The following ATP9A variants were observed in gnomAD, a reference collection of about 807,000 sequenced individuals.
The protein encoded by ATP9A is probable phospholipid-transporting ATPase IIA.
A neutral mutation model predicts 144.1 loss-of-function variants in ATP9A; 52 were observed. The ratio of observed to expected loss-of-function variants is 0.36; its 90% CI spans 0.29 to 0.45. ATP9A has a LOEUF of 0.45. ATP9A is among the 20% of genes least tolerant of loss of function. The pLI is 1.00. For synonymous variants in ATP9A, 582 were observed against 557.4 expected (o/e 1.04, Z -0.62); for missense variants, 947 against 1,392.7 (o/e 0.68, Z 5.09).
chr20:51,738,007 A>G (rs995671446), intron 1 of ATP9A, among the ~76,000 whole-genome samples: 8 of 151,766 alleles, frequency 5.3e-5, no homozygotes, highest in Admixed American at 1.3e-4. Context: ...TGGGCAACAT[A>G]GCAAGACTCA....
chr20:51,743,430 C>T, intron 1 of ATP9A, among the ~76,000 whole-genome samples: 1 of 105,996 alleles, frequency 9.4e-6, no homozygotes, highest in Non-Finnish European at 1.8e-5. Context: ...GACGGAGTCT[C>T]ACTCTGTCAC....
chr20:51,636,984 G>A (rs533521914), intron 15 of ATP9A, among the ~76,000 whole-genome samples: 3 of 152,294 alleles, frequency 2.0e-5, no homozygotes, highest in East Asian at 1.9e-4. Context: ...CCAGCTACTC[G>A]GGAGGCCGAG....
intron 25 of ATP9A, 69 bp downstream of exon 25, chr20:51,608,449 G>C (rs1265500482): frequency 5.1e-6 from 5 of 988,626 alleles, no homozygotes; most frequent in South Asian, 1.3e-5. Flanking sequence ...AAAAAAAGCA[G>C]GGAGGGAGGG....
intron 27 of ATP9A, among the ~76,000 whole-genome samples, chr20:51,602,462 GACC>G (rs1338790111): frequency 1.3e-5 from 2 of 152,166 alleles, no homozygotes; most frequent in East Asian, 1.9e-4. Context: ...ACATCTCTGT[GACC>G]ACCTCAGGCC....
chr20:51,604,723 C>T lies in ATP9A; in HGVS notation c.3007+94G>A, dbSNP rs183728641. The T allele has an allele frequency of 2.3e-4, 275 of 1,188,300 alleles. No individual in the cohort carries two copies. The African/African-American group carries it at 2.4e-3, about 10-fold the overall frequency. 73.6% of individuals were successfully genotyped at this position (1,188,300 alleles called of 1,614,324 possible). On this transcript the variant is annotated intron_variant, in intron 27 of 27. Coordinates refer to ENST00000338821, the MANE Select transcript of ATP9A (RefSeq NM_006045.3). ...TGCTGGAGGAAGAGCCCAGGCCGAG[C>T]GCTGGGAACCCCCCTTCCTTCATAC...
At chr20:51,616,750 A>G (rs572015676) in intron 22 of ATP9A, among the ~76,000 whole-genome samples, 1 of 152,278 alleles carries the variant, frequency 6.6e-6, no homozygotes, top group South Asian at 2.1e-4. Context: ...CAGAAAAAAT[A>G]TTTCCTAACA....
At chr20:51,684,946 G>A (rs2077516196) in intron 9 of ATP9A, among the ~76,000 whole-genome samples, 1 of 151,134 alleles carries the variant, frequency 6.6e-6, no homozygotes, top group Non-Finnish European at 1.5e-5. Context: ...AGGAGGCGGA[G>A]CTTGCAGTGA....
intron 1 of ATP9A, among the ~76,000 whole-genome samples, chr20:51,763,805 C>T (rs182269275): frequency 7.1e-4 from 108 of 152,252 alleles, no homozygotes; most frequent in Middle Eastern, 6.8e-3. Flanking sequence ...ACCCACAAAA[C>T]GTAGATTGTT....
At chr20:51,761,978 C>T (rs897552863) in intron 1 of ATP9A, among the ~76,000 whole-genome samples, 2 of 152,084 alleles carry the variant, frequency 1.3e-5, no homozygotes, top group East Asian at 3.9e-4. Context: ...CCCCTTCTTC[C>T]CTCTTCAAGC....
At chr20:51,671,005 C>G in intron 12 of ATP9A, 110 bp downstream of exon 12, 1 of 1,191,594 alleles carries the variant, frequency 8.4e-7, no homozygotes, top group Non-Finnish European at 1.2e-6. Context: ...AATAAAATAG[C>G]AGCAACACGC....
chr20:51,702,367 T>C (rs1601114664), intron 4 of ATP9A, among the ~76,000 whole-genome samples: 1 of 85,712 alleles, frequency 1.2e-5, no homozygotes. Context: ...TGTGTGTTCG[T>C]GTGTGTGTGT....
At chr20:51,717,141 C>T (rs2077665503) in intron 3 of ATP9A, among the ~76,000 whole-genome samples, 1 of 147,084 alleles carries the variant, frequency 6.8e-6, no homozygotes, top group African/African-American at 2.5e-5. Flanking sequence ...CACTGCACTC[C>T]AGCCTGGGTG....
At chr20:51,743,624 T>C (rs2077794734) in intron 1 of ATP9A, among the ~76,000 whole-genome samples, 1 of 149,294 alleles carries the variant, frequency 6.7e-6, no homozygotes, top group Non-Finnish European at 1.5e-5. Flanking sequence ...GGTCTGGTCT[T>C]GAACTACTGA....
Position 51,743,900 on chromosome 20 carries a change from A to G in ATP9A, c.69-13922T>C, listed in dbSNP as rs898248145. ...CAAACACCTGTAGTCCCAGCTACTC[A>G]GGAAGCTGAAACAGGAGAATCGCTT... On this transcript the variant is annotated intron_variant, in intron 1 of 27. Coordinates refer to ENST00000338821, the MANE Select transcript of ATP9A (RefSeq NM_006045.3). 3.3e-5 allele frequency among the ~76,000 whole-genome samples: 5 copies of G among 151,324 alleles called. No individual in the cohort carries two copies. In the South Asian group the frequency reaches 8.4e-4, roughly 25 times the overall value.
At chr20:51,708,156 TC>T (rs1196229626) in intron 4 of ATP9A, among the ~76,000 whole-genome samples, 1 of 152,124 alleles carries the variant, frequency 6.6e-6, no homozygotes, top group African/African-American at 2.4e-5. Flanking sequence ...TTGATGTTGT[TC>T]GAGATACACC....
At chr20:51,761,778 G>C (rs2122921695) in intron 1 of ATP9A, among the ~76,000 whole-genome samples, 1 of 151,790 alleles carries the variant, frequency 6.6e-6, no homozygotes, top group South Asian at 2.1e-4. Context: ...AAAAAAATTA[G>C]CACAACTTGA....
At chr20:51,689,264 T>C in intron 8 of ATP9A, 125 bp from the exon 9 acceptor site, 1 of 923,970 alleles carries the variant, frequency 1.1e-6, no homozygotes, top group Non-Finnish European at 1.6e-6. Context: ...GAAGCCCAGT[T>C]TGGAAGCCGA....
chr20:51,690,107 C>G (rs1245077467), intron 8 of ATP9A, among the ~76,000 whole-genome samples: 1 of 45,962 alleles, frequency 2.2e-5, no homozygotes, highest in African/African-American at 9.0e-5. Flanking sequence ...AGGAGACCGT[C>G]TCAAAAAAAA....
chr20:51,613,583 T>C (rs957492088), intron 23 of ATP9A, 94 bp downstream of exon 23: 19 of 1,291,340 alleles, frequency 1.5e-5, no homozygotes, highest in Middle Eastern at 2.7e-4. Context: ...GATAATTACA[T>C]AGCCACATGT....
Sources: gnomAD v4.1 joint callset for allele counts (sites outside exome capture counted in the v4.1 genomes callset) on GRCh38, gnomAD v4.1.1 for gene constraint, MANE v1.5 for transcripts, NCBI Gene and HGNC (gene_info 2026-07-23, HGNC 2026-07-21) for gene names.